Variants in GRHL2 observed in about 807,000 individuals in gnomAD.
The protein encoded by GRHL2 is grainyhead-like protein 2 homolog.
In GRHL2, 21 loss-of-function variants were observed where a neutral mutation model predicts 83.8. The ratio of observed to expected loss-of-function variants is 0.25; its 90% CI spans 0.18 to 0.36. The LOEUF is 0.36. Ranked by LOEUF, GRHL2 falls within the 10% of genes least tolerant of loss-of-function variation. The pLI, the probability that GRHL2 is intolerant of heterozygous loss-of-function variation, is 1.00. For missense variants in GRHL2, 623 were observed against 781.8 expected, an observed-to-expected ratio of 0.80 and a Z score of 2.42; for synonymous variants, 280 against 278.9, an observed-to-expected ratio of 1.00 and a Z score of -0.04.
intron 1 of GRHL2, among the ~76,000 whole-genome samples, chr8:101,528,308 C>T (rs566229793): frequency 2.0e-5 from 3 of 152,214 alleles, no homozygotes; most frequent in African/African-American, 7.2e-5. Context: ...ATTCAGTCCT[C>T]GTACAAACTT....
At chr8:101,660,031 C>T (rs1253382082) in intron 14 of GRHL2, among the ~76,000 whole-genome samples, 6 of 152,042 alleles carry the variant, frequency 3.9e-5, no homozygotes, top group African/African-American at 1.5e-4. Flanking sequence ...TAGATTTGTT[C>T]AATTCTTAAA....
At chr8:101,561,895 C>G in intron 4 of GRHL2, 7 of 450,766 alleles carry the variant, frequency 1.6e-5, no homozygotes, top group South Asian at 1.5e-4. Context: ...ATATTTTAAT[C>G]ACTTTTCATT....
chr8:101,535,242 G>A (rs922282596), intron 1 of GRHL2, among the ~76,000 whole-genome samples: 3 of 152,186 alleles, frequency 2.0e-5, no homozygotes, highest in African/African-American at 7.2e-5. Context: ...AGATGTAAGA[G>A]CCTAAGGCCA....
intron 1 of GRHL2, among the ~76,000 whole-genome samples, chr8:101,523,769 G>A (rs1053548551): frequency 2.0e-5 from 3 of 152,038 alleles, no homozygotes; most frequent in Non-Finnish European, 4.4e-5. Flanking sequence ...GTGAGCCACT[G>A]GCCCAGCCTT....
intron 8 of GRHL2, among the ~76,000 whole-genome samples, chr8:101,609,178 G>A (rs1408613067): frequency 6.7e-6 from 1 of 150,212 alleles, no homozygotes; most frequent in East Asian, 1.9e-4. Context: ...AGGAAGGGGT[G>A]GTGAGTAAGA....
chr8:101,670,667 T>G (rs1390957021), downstream of GRHL2, among the ~76,000 whole-genome samples: 2 of 152,202 alleles, frequency 1.3e-5, no homozygotes, highest in Admixed American at 1.3e-4. Context: ...TCTCCACATC[T>G]CCTGAGGCAG....
At chr8:101,540,991 T>TGCTTA (rs750263821) in intron 1 of GRHL2, among the ~76,000 whole-genome samples, 1 of 152,158 alleles carries the variant, frequency 6.6e-6, no homozygotes, top group Non-Finnish European at 1.5e-5. Context: ...TACCCATAGC[T>TGCTTA]GCTTAGCTCC....
intron 13 of GRHL2, among the ~76,000 whole-genome samples, chr8:101,646,711 A>G (rs1358595402): frequency 6.6e-6 from 1 of 152,228 alleles, no homozygotes; most frequent in Non-Finnish European, 1.5e-5. Context: ...TCTGTGTGGG[A>G]GTCCCTTGGG....
the GRHL2 span, among the ~76,000 whole-genome samples, chr8:101,676,043 T>A: frequency 1.2e-4 from 19 of 152,090 alleles, no homozygotes; most frequent in African/African-American, 4.6e-4. Flanking sequence ...TCCTTACACC[T>A]TATACAAAAA....
chr8:101,560,295 C>T (rs1286699267), intron 4 of GRHL2, among the ~76,000 whole-genome samples: 1 of 152,184 alleles, frequency 6.6e-6, no homozygotes, highest in Non-Finnish European at 1.5e-5. Flanking sequence ...TCCCGAAGTG[C>T]TGGGATAGTG....
chr8:101,536,664 C>A lies in GRHL2; in HGVS notation c.21-6577C>A, dbSNP rs528875438. On this transcript the variant is annotated intron_variant, in intron 1 of 15. Transcript: ENST00000646743. ...ATTAAAACGGTACATAAGGTTCAGC[C>A]TTGAGTGACTGGGGACAGATAATGA... 3.3e-5 allele frequency among the ~76,000 whole-genome samples: 5 copies of A among 152,294 alleles called. No individual in the cohort carries two copies. The South Asian group carries it at 1.0e-3, about 32-fold the overall frequency.
Position 101,559,353 on chromosome 8 carries a change from CAAAAAAAAAAAAAAAA to C in GRHL2, c.678+553_678+568del, listed in dbSNP as rs34176940. 7.7e-3 allele frequency among the ~76,000 whole-genome samples: 688 copies of C among 88,946 alleles called. 6 individuals are homozygous for C. The highest frequency in any genetic ancestry group is 0.027 in the African/African-American group (650 of 24,206). 58.4% of individuals were successfully genotyped at this position (88,946 alleles called of 152,430 possible). A position where few individuals can be genotyped will look rare whatever the true frequency, so the allele number is the denominator to read the frequency against. On this transcript the variant is annotated intron_variant, in intron 4 of 15. Coordinates refer to ENST00000646743, the MANE Select transcript of GRHL2 (RefSeq NM_024915.4). ...TGAACTCCTGTCTCTACTAAAAATA[CAAAAAAAAAAAAAAAA>C]AAAAAAAAAAATTAGCCAGGCCTGG...
At chr8:101,658,877 G>GTAATC (rs1329908044) in intron 14 of GRHL2, among the ~76,000 whole-genome samples, 6 of 152,198 alleles carry the variant, frequency 3.9e-5, no homozygotes, top group Non-Finnish European at 2.9e-5. Flanking sequence ...TACAAATAAT[G>GTAATC]TAATCTATAG....
chr8:101,574,582 C>T (rs1811894901), intron 6 of GRHL2, among the ~76,000 whole-genome samples: 1 of 152,250 alleles, frequency 6.6e-6, no homozygotes, highest in Non-Finnish European at 1.5e-5. Context: ...GCTCCCTCCT[C>T]CTACCACTTC....
At chr8:101,563,723 T>C in intron 4 of GRHL2, among the ~76,000 whole-genome samples, 1 of 152,150 alleles carries the variant, frequency 6.6e-6, no homozygotes, top group East Asian at 1.9e-4. Context: ...TTTTTTTGTT[T>C]TTTTTTGTTT....
intron 1 of GRHL2, among the ~76,000 whole-genome samples, chr8:101,498,992 G>A (rs1013218324): frequency 6.6e-6 from 1 of 151,576 alleles, no homozygotes; most frequent in Non-Finnish European, 1.5e-5. Flanking sequence ...GGAGAATGGC[G>A]TGAACCCGGG....
chr8:101,632,289 C>G lies in GRHL2; in HGVS notation c.1409C>G (p.Thr470Ser). Residue 470 changes from threonine (T) to serine (S), a missense_variant, in exon 11 of 16, where the codon ACC (threonine) becomes AGC (serine). Thr to Ser is a moderately conservative substitution (Grantham distance 58, BLOSUM62 1). Transcript: ENST00000646743. ...QKKSDITYFK[T>S]MPDLHSQPVL... ...AAGAGTGACATCACCTACTTCAAAACCATGCCTGATCTCCACTCACAGCCA... is the reference window on the plus strand; with the variant it reads ...AAGAGTGACATCACCTACTTCAAAAGCATGCCTGATCTCCACTCACAGCCA... 1 of 1,614,058 alleles carries G rather than the reference C, an allele frequency of 6.2e-7. No individual in the cohort carries two copies.
At chr8:101,597,056 C>T (rs1008837944) in intron 7 of GRHL2, among the ~76,000 whole-genome samples, 2 of 152,180 alleles carry the variant, frequency 1.3e-5, no homozygotes, top group Non-Finnish European at 2.9e-5. Context: ...CAGTGGAATG[C>T]TGCCTTGTGC....
chr8:101,629,034 G>A (rs1813133593), intron 9 of GRHL2, among the ~76,000 whole-genome samples: 1 of 152,226 alleles, frequency 6.6e-6, no homozygotes, highest in South Asian at 2.1e-4. Context: ...TGATAAAACA[G>A]CAGCAGTGCT....
Sources: allele counts gnomAD v4.1 joint callset (sites outside exome capture counted in the v4.1 genomes callset), GRCh38; gene constraint gnomAD v4.1.1; transcripts MANE v1.5; gene names NCBI Gene and HGNC (gene_info 2026-07-23, HGNC 2026-07-21).